RAD51B: variants seen among roughly 807,000 people sequenced by gnomAD.
RAD51B encodes DNA repair protein RAD51 homolog 2.
Under a neutral mutation model 42.2 loss-of-function variants are expected in RAD51B, and 38 were observed. The ratio of observed to expected loss-of-function variants is 0.90; its 90% CI spans 0.70 to 1.18. The LOEUF (loss-of-function observed/expected upper bound fraction) is 1.18, where lower values mean the gene tolerates loss of function less well. Among genes scored for constraint, RAD51B ranks in the 50% most tolerant of loss-of-function variants. The pLI, the probability that RAD51B is intolerant of heterozygous loss-of-function variation, is 0.00. For synonymous variants in RAD51B, 154 were observed against 145.2 expected, an observed-to-expected ratio of 1.06 and a Z score of -0.43; for missense variants, 373 against 400.7, an observed-to-expected ratio of 0.93 and a Z score of 0.59.
chr14:68,244,711 G>A (rs551349468), intron 7 of RAD51B, among the ~76,000 whole-genome samples: 125 of 152,294 alleles, frequency 8.2e-4, no homozygotes, highest in African/African-American at 2.9e-3. Flanking sequence ...TGGAAAAGTT[G>A]TGGTTGGTTT....
At chr14:67,962,378 G>A (rs1418298872) in intron 7 of RAD51B, among the ~76,000 whole-genome samples, 2 of 152,020 alleles carry the variant, frequency 1.3e-5, no homozygotes, top group Admixed American at 1.3e-4. Context: ...GGTAGAGAAG[G>A]TTCAACATCA....
chr14:67,861,305 ATTATC>A (rs1384761872), intron 4 of RAD51B, among the ~76,000 whole-genome samples: 1 of 152,124 alleles, frequency 6.6e-6, no homozygotes, highest in Non-Finnish European at 1.5e-5. Flanking sequence ...AGCATCTCTG[ATTATC>A]TTACAGCAAA....
intron 7 of RAD51B, among the ~76,000 whole-genome samples, chr14:68,225,745 G>T (rs1013917882): frequency 2.6e-5 from 4 of 152,098 alleles, no homozygotes; most frequent in African/African-American, 9.7e-5. Flanking sequence ...CAATTTAATC[G>T]CAATCTTTAT....
intron 7 of RAD51B, among the ~76,000 whole-genome samples, chr14:68,176,507 A>G (rs185476503): frequency 5.6e-4 from 86 of 152,294 alleles, no homozygotes; most frequent in Non-Finnish European, 1.1e-3. Flanking sequence ...ACTTCACCTC[A>G]GGCAACTCAA....
chr14:68,149,015 T>C (rs994198345), intron 7 of RAD51B, among the ~76,000 whole-genome samples: 16 of 152,228 alleles, frequency 1.1e-4, no homozygotes, highest in African/African-American at 3.9e-4. Flanking sequence ...GTTACTTCTT[T>C]GAAGAAGTGT....
intron 7 of RAD51B, among the ~76,000 whole-genome samples, chr14:68,087,458 G>A (rs2077002117): frequency 6.6e-6 from 1 of 152,068 alleles, no homozygotes; most frequent in Non-Finnish European, 1.5e-5. Context: ...TCTATATGAT[G>A]GATTACTGAT....
chr14:68,377,440 C>T (rs957952770), intron 8 of RAD51B, among the ~76,000 whole-genome samples: 7 of 152,206 alleles, frequency 4.6e-5, no homozygotes, highest in African/African-American at 1.4e-4. Flanking sequence ...TAGGGAGAAA[C>T]GTTCCCACTA....
intron 7 of RAD51B, among the ~76,000 whole-genome samples, chr14:67,906,425 A>G (rs1029177316): frequency 1.3e-5 from 2 of 152,032 alleles, no homozygotes; most frequent in Non-Finnish European, 2.9e-5. Context: ...GTTAGGAGGG[A>G]GTCCTTCCTT....
intron 10 of RAD51B, among the ~76,000 whole-genome samples, chr14:68,492,141 A>G (rs1337674909): frequency 1.3e-5 from 2 of 152,102 alleles, no homozygotes; most frequent in East Asian, 3.9e-4. Flanking sequence ...TCCTTTCCTC[A>G]CATAATGGAT....
At chr14:68,629,096 A>T (rs1178479942) in intron 10 of RAD51B, among the ~76,000 whole-genome samples, 1 of 152,082 alleles carries the variant, frequency 6.6e-6, no homozygotes, top group Non-Finnish European at 1.5e-5. Flanking sequence ...GCCCCACACG[A>T]TGCCCAACTT....
chr14:68,646,681 A>G (rs1337108365), intron 10 of RAD51B, among the ~76,000 whole-genome samples: 1 of 152,178 alleles, frequency 6.6e-6, no homozygotes. Flanking sequence ...GCTTCAAGAA[A>G]TCTGTGTTGA....
At chr14:68,312,995 T>G (rs924559975) in intron 8 of RAD51B, among the ~76,000 whole-genome samples, 1 of 152,236 alleles carries the variant, frequency 6.6e-6, no homozygotes, top group Non-Finnish European at 1.5e-5. Flanking sequence ...CCAAGATGAC[T>G]GGTTGCTGAT....
rs561333923 is a variant in RAD51B, at chr14:67,975,803, A to G, written c.756+88599A>G. 2.4e-4 allele frequency among the ~76,000 whole-genome samples: 37 copies of G among 152,358 alleles called. No individual in the cohort carries two copies. In the South Asian group the frequency reaches 7.7e-3, roughly 32 times the overall value. ...GTCTGTTTACACATCCTTTTAGATT[A>G]TAGTTCACACTGTGTAGAGAAACCT... is the stretch of plus-strand genomic sequence containing the variant. On this transcript the variant is annotated intron_variant, in intron 7 of 10. Transcript: ENST00000471583.
At chr14:68,345,526 G>A (rs2082660207) in intron 8 of RAD51B, among the ~76,000 whole-genome samples, 1 of 152,104 alleles carries the variant, frequency 6.6e-6, no homozygotes, top group Admixed American at 6.5e-5. Flanking sequence ...TGACATGCTA[G>A]CTTCCCTTCA....
intron 7 of RAD51B, among the ~76,000 whole-genome samples, chr14:68,024,802 ACTT>A (rs2140357130): frequency 6.6e-6 from 1 of 151,916 alleles, no homozygotes; most frequent in East Asian, 1.9e-4. Context: ...AGATAGTTTG[ACTT>A]CTTCTTTTCC....
chr14:68,673,646 ATGCACACACATACACATACTG>A (rs1566969566), intron 11 of RAD51B, among the ~76,000 whole-genome samples: 20 of 152,166 alleles, frequency 1.3e-4, no homozygotes, highest in African/African-American at 4.8e-4. Context: ...ATATGTATAC[ATGCACACACATACACATACTG>A]TGCACACACA....
chr14:68,482,199 A>ATGTGTG (rs1166016789), downstream of RAD51B, among the ~76,000 whole-genome samples: 1 of 78,256 alleles, frequency 1.3e-5, no homozygotes, highest in African/African-American at 6.1e-5. Context: ...GTGTGTGTGT[A>ATGTGTG]TGTGTGTGTG....
intron 7 of RAD51B, among the ~76,000 whole-genome samples, chr14:67,957,810 C>T (rs914018568): frequency 6.6e-6 from 1 of 152,100 alleles, no homozygotes; most frequent in African/African-American, 2.4e-5. Flanking sequence ...CTGTAATTTT[C>T]GTAAATGTAT....
At chr14:68,313,581 G>A (rs999929273) in intron 8 of RAD51B, among the ~76,000 whole-genome samples, 3 of 152,174 alleles carry the variant, frequency 2.0e-5, no homozygotes, top group Non-Finnish European at 4.4e-5. Flanking sequence ...CTTGTCTGCT[G>A]TGCAAACTTG....
Sources: allele counts gnomAD v4.1 joint callset (sites outside exome capture counted in the v4.1 genomes callset), GRCh38; gene constraint gnomAD v4.1.1; transcripts MANE v1.5; gene names NCBI Gene and HGNC (gene_info 2026-07-23, HGNC 2026-07-21).